The following RAD51 variants were observed in gnomAD, a reference collection of about 807,000 sequenced individuals.
RAD51 encodes DNA repair protein RAD51 homolog 1.
RAD51 carries 14 observed loss-of-function variants against 41.5 expected under a neutral mutation model. The observed-to-expected ratio is 0.34, with a 90% CI of 0.22 to 0.53. The LOEUF (loss-of-function observed/expected upper bound fraction) is 0.53, where lower values mean the gene tolerates loss of function less well. Among genes scored for constraint, RAD51 ranks in the 20% least tolerant of loss-of-function variants. The pLI is 0.95. For missense variants in RAD51, 234 were observed against 422.0 expected, an observed-to-expected ratio of 0.55 and a Z score of 3.90; for synonymous variants, 136 against 148.6, an observed-to-expected ratio of 0.92 and a Z score of 0.62.
chr15:40,712,969 C>T (rs1198621380), intron 5 of RAD51, among the ~76,000 whole-genome samples: 1 of 149,466 alleles, frequency 6.7e-6, no homozygotes, highest in Non-Finnish European at 1.5e-5. Context: ...ACCTCTGCCT[C>T]CCAGGTTCAA....
At chr15:40,701,517 C>T (rs1894992760) in intron 3 of RAD51, among the ~76,000 whole-genome samples, 1 of 151,208 alleles carries the variant, frequency 6.6e-6, no homozygotes, top group African/African-American at 2.4e-5. Context: ...TGGGACTACA[C>T]TACAGGCACA....
chr15:40,700,434 C>A (rs533040485), intron 2 of RAD51, among the ~76,000 whole-genome samples: 1 of 152,258 alleles, frequency 6.6e-6, no homozygotes, highest in African/African-American at 2.4e-5. Flanking sequence ...ATCTATTTAC[C>A]CTACCATAGT....
In RAD51 at chr15:40,718,003, G is replaced by A. The variant is rs1354155611; in HGVS notation, c.436-802G>A. Among the ~76,000 whole-genome samples the A allele has an allele frequency of 3.9e-5, 6 of 151,950 alleles. No individual in the cohort carries two copies. The East Asian group carries it at 5.8e-4, about 15-fold the overall frequency. ...TCCCAGCACTTTAAGAGGCCGAGGC[G>A]GGCAGATCACTTGAGTCCAGGAGTT... On this transcript the variant is annotated intron_variant, in intron 5 of 9. Transcript: ENST00000267868.
In RAD51 at chr15:40,726,383, C is replaced by G. The variant is rs1382926197; in HGVS notation, c.531-2328C>G. On this transcript the variant is annotated intron_variant, in intron 6 of 9. Transcript: ENST00000267868. ...TCTCCTGCCTCAGCCTCCCAAGTAC[C>G]TGGGATTACATGCGTGCACCACCAC... 3.3e-5 allele frequency among the ~76,000 whole-genome samples: 5 copies of G among 151,812 alleles called. 1 individual carries two copies. The East Asian group carries it at 1.0e-3, about 30-fold the overall frequency.
chr15:40,707,373 C>T (rs955651200), intron 4 of RAD51, among the ~76,000 whole-genome samples: 4 of 151,474 alleles, frequency 2.6e-5, no homozygotes, highest in Non-Finnish European at 5.9e-5. Flanking sequence ...GTGGCATAAT[C>T]TCAGCTCACT....
intron 6 of RAD51, among the ~76,000 whole-genome samples, chr15:40,720,093 T>G (rs1023190243): frequency 6.6e-6 from 1 of 152,086 alleles, no homozygotes; most frequent in Non-Finnish European, 1.5e-5. Context: ...TCAGAGGCCC[T>G]GCTAAAGGGC....
chr15:40,697,059 T>C, intron 1 of RAD51, among the ~76,000 whole-genome samples: 1 of 152,174 alleles, frequency 6.6e-6, no homozygotes, highest in Non-Finnish European at 1.5e-5. Flanking sequence ...TGTCCTTTGA[T>C]GAATAGAAGT....
chr15:40,698,505 T>A (rs1894793285), intron 1 of RAD51, among the ~76,000 whole-genome samples: 1 of 152,154 alleles, frequency 6.6e-6, no homozygotes, highest in South Asian at 2.1e-4. Flanking sequence ...TTTTTTAGAT[T>A]CTACATATGA....
At chr15:40,724,196 T>C (rs568702880) in intron 6 of RAD51, among the ~76,000 whole-genome samples, 4 of 152,322 alleles carry the variant, frequency 2.6e-5, no homozygotes, top group Admixed American at 6.5e-5. Context: ...GAATTACTCT[T>C]TTGCAGTCTG....
At chr15:40,730,521 T>TTTTTTTTTTTTTCTTTTC (rs1491156148) in intron 9 of RAD51, among the ~76,000 whole-genome samples, 7,854 of 92,164 alleles carry the variant, frequency 0.085, 1,047 homozygotes, top group African/African-American at 0.31. Flanking sequence ...ATTTTTTTTC[T>TTTTTTTTTTTTTCTTTTC]TTTTTTTTTT....
chr15:40,704,068 ATTTAT>A (rs777432500), intron 3 of RAD51, among the ~76,000 whole-genome samples: 1 of 150,908 alleles, frequency 6.6e-6, no homozygotes, highest in South Asian at 2.1e-4. Context: ...ATGCCCTGCT[ATTTAT>A]TTTATTTTAT....
At chr15:40,727,167 G>C (rs975038938) in intron 6 of RAD51, among the ~76,000 whole-genome samples, 1 of 151,420 alleles carries the variant, frequency 6.6e-6, no homozygotes, top group Non-Finnish European at 1.5e-5. Flanking sequence ...TTGCCATGTT[G>C]CCCAGGCTGG....
At chr15:40,700,867 T>C (rs1427753732) in intron 2 of RAD51, among the ~76,000 whole-genome samples, 197 bp from the exon 3 acceptor site, 1 of 152,168 alleles carries the variant, frequency 6.6e-6, no homozygotes, top group East Asian at 1.9e-4. Context: ...TATAAGGGAC[T>C]TGAGCATTGT....
chr15:40,722,169 T>G (rs1896308389), intron 6 of RAD51, among the ~76,000 whole-genome samples: 1 of 152,084 alleles, frequency 6.6e-6, no homozygotes, highest in African/African-American at 2.4e-5. Flanking sequence ...CCCAGCACTT[T>G]GGGAGGCCGA....
At chr15:40,708,885 TTG>T in intron 4 of RAD51, 138 bp from the exon 5 acceptor site, 1 of 801,874 alleles carries the variant, frequency 1.2e-6, no homozygotes. Context: ...CAAAATACAT[TTG>T]TGAAAAATTA....
intron 7 of RAD51, 34 bp from the exon 8 acceptor site, chr15:40,729,471 G>C: frequency 6.3e-7 from 1 of 1,599,318 alleles, no homozygotes; most frequent in Non-Finnish European, 8.5e-7. Context: ...ACACAGGCTA[G>C]AAATAGGCTT....
At chr15:40,709,752 C>T (rs1411705908) in intron 5 of RAD51, among the ~76,000 whole-genome samples, 2 of 152,182 alleles carry the variant, frequency 1.3e-5, no homozygotes, top group African/African-American at 4.8e-5. Context: ...TTTACATACC[C>T]ACTTGAAGAG....
In RAD51 at chr15:40,709,213, T is replaced by G. The variant is rs1895539002; in HGVS notation, c.435+97T>G. On this transcript the variant is annotated intron_variant, in intron 5 of 9. Coordinates refer to ENST00000267868, the MANE Select transcript of RAD51 (RefSeq NM_002875.5). ...TAGGATGGCCATAAAAGGTACTTTC[T>G]CTGTCCTCAAGAATCTTATAGCTGT... 3.8e-6 allele frequency: 4 copies of G among 1,052,394 alleles called. No individual in the cohort carries two copies. The South Asian group carries it at 5.1e-5, about 13-fold the overall frequency. The allele number at this position is 1,052,394 out of a possible 1,614,324, so 65.2% of individuals were successfully genotyped here.
chr15:40,704,455 G>A (rs1394200909), intron 3 of RAD51, among the ~76,000 whole-genome samples: 2 of 147,134 alleles, frequency 1.4e-5, no homozygotes, highest in East Asian at 2.1e-4. Context: ...TCCGCCGCCC[G>A]GGTTCAAGCA....
Sources: gnomAD v4.1 joint callset for allele counts (sites outside exome capture counted in the v4.1 genomes callset) on GRCh38, gnomAD v4.1.1 for gene constraint, MANE v1.5 for transcripts, NCBI Gene and HGNC (gene_info 2026-07-23, HGNC 2026-07-21) for gene names.